Variants in EBF2 observed in about 807,000 individuals in gnomAD.
EBF2 encodes the protein transcription factor COE2.
EBF2 carries 21 observed loss-of-function variants against 72.8 expected under a neutral mutation model. The ratio of observed to expected loss-of-function variants is 0.29; its 90% CI spans 0.20 to 0.42. The LOEUF (loss-of-function observed/expected upper bound fraction) is 0.42. EBF2 is among the 10% of genes least tolerant of loss of function. The pLI, the probability that EBF2 is intolerant of heterozygous loss-of-function variation, is 1.00. For synonymous variants in EBF2, 299 were observed against 274.2 expected (o/e 1.09, Z -0.89); for missense variants, 637 against 731.2 (o/e 0.87, Z 1.49).
Position 25,898,815 on chromosome 8 carries a change from G to A in EBF2, c.634-8946C>T, listed in dbSNP as rs1185503408. Among the ~76,000 whole-genome samples, 3 of 152,128 alleles carry A rather than the reference G, an allele frequency of 2.0e-5. No individual in the cohort carries two copies. The East Asian group carries it at 5.8e-4, about 29-fold the overall frequency. On this transcript the variant is annotated intron_variant, in intron 7 of 15. Coordinates refer to ENST00000520164, the MANE Select transcript of EBF2 (RefSeq NM_022659.4). The stretch of plus-strand genomic sequence containing the variant: ...CACACAGGCCCTGGAAGCAGCTGAG[G>A]AACTATGCACTCTTATTGCAGGACT...
At chr8:25,977,757 A>G (rs1010033677) in intron 6 of EBF2, among the ~76,000 whole-genome samples, 1 of 152,176 alleles carries the variant, frequency 6.6e-6, no homozygotes, top group Admixed American at 6.5e-5. Context: ...ATTGGCTGAC[A>G]GTTTCTTCTA....
intron 5 of EBF2, among the ~76,000 whole-genome samples, chr8:26,036,637 C>T (rs910384838): frequency 1.3e-5 from 2 of 152,002 alleles, no homozygotes; most frequent in African/African-American, 2.4e-5. Context: ...AATATTAGCA[C>T]AAGCAATGGG....
intron 6 of EBF2, among the ~76,000 whole-genome samples, chr8:26,010,087 G>T (rs1379750803): frequency 1.3e-5 from 2 of 152,154 alleles, no homozygotes; most frequent in Non-Finnish European, 2.9e-5. Flanking sequence ...GGAAAGTCGG[G>T]GGGAACAGAA....
chr8:25,987,066 A>T (rs1348418051), intron 6 of EBF2, among the ~76,000 whole-genome samples: 1 of 152,138 alleles, frequency 6.6e-6, no homozygotes, highest in Non-Finnish European at 1.5e-5. Flanking sequence ...AAAACTGATA[A>T]TTTGCATCTT....
chr8:25,994,368 G>T (rs989223388), intron 6 of EBF2, among the ~76,000 whole-genome samples: 1 of 152,038 alleles, frequency 6.6e-6, no homozygotes, highest in African/African-American at 2.4e-5. Flanking sequence ...ACAGAAATAG[G>T]ACTTCCACTT....
intron 6 of EBF2, among the ~76,000 whole-genome samples, chr8:25,941,407 C>T (rs554573557): frequency 4.6e-5 from 7 of 152,144 alleles, no homozygotes; most frequent in African/African-American, 9.6e-5. Context: ...GGTTTTGCCA[C>T]GTTCGTCAGG....
At chr8:25,906,012 T>G (rs1803026122) in intron 7 of EBF2, among the ~76,000 whole-genome samples, 1 of 152,196 alleles carries the variant, frequency 6.6e-6, no homozygotes, top group Admixed American at 6.5e-5. Context: ...ATCAACAATA[T>G]TTATTCTATG....
Position 25,936,095 on chromosome 8 carries a change from A to C in EBF2, c.552-27540T>G, listed in dbSNP as rs541747310. Among the ~76,000 whole-genome samples the C allele has an allele frequency of 3.3e-5, 5 of 152,302 alleles. 1 individual carries two copies. In the South Asian group the frequency reaches 1.0e-3, roughly 32 times the overall value. On this transcript the variant is annotated intron_variant, in intron 6 of 15. Coordinates refer to ENST00000520164, the MANE Select transcript of EBF2 (RefSeq NM_022659.4). Reference sequence around the variant, plus strand: ...GTGTGGTTAGAGGCAGCAGAGGAGTAGAGAAGAGTATGCTATGAAATCATG... The same window carrying C: ...GTGTGGTTAGAGGCAGCAGAGGAGTCGAGAAGAGTATGCTATGAAATCATG...
At chr8:26,033,296 C>T (rs1459427478) in intron 5 of EBF2, 143 bp from the exon 6 acceptor site, 11 of 735,584 alleles carry the variant, frequency 1.5e-5, no homozygotes, top group African/African-American at 3.5e-5. Context: ...ATGCCTCCTT[C>T]TTGGCTCACC....
chr8:25,985,071 T>C (rs1804426827), intron 6 of EBF2, among the ~76,000 whole-genome samples: 1 of 152,126 alleles, frequency 6.6e-6, no homozygotes, highest in Admixed American at 6.6e-5. Flanking sequence ...TGAAAAGTGA[T>C]AAAACAGAAC....
chr8:25,998,903 G>A lies in EBF2; in HGVS notation c.551+34182C>T, dbSNP rs995822855. On this transcript the variant is annotated intron_variant, in intron 6 of 15. Coordinates refer to ENST00000520164, the MANE Select transcript of EBF2 (RefSeq NM_022659.4). ...TACAGGAAATACACTCGTCACCACC[G>A]TCTCTCTTTGAATAAACAAATTTCG... 1.6e-4 allele frequency among the ~76,000 whole-genome samples: 24 copies of A among 152,130 alleles called. 1 individual carries two copies. Among genetic ancestry groups the A allele is most frequent in the Admixed American group, 9.8e-4 (15 of 15,262 alleles).
At chr8:25,930,776 A>G (rs1803466059) in intron 6 of EBF2, among the ~76,000 whole-genome samples, 1 of 152,176 alleles carries the variant, frequency 6.6e-6, no homozygotes, top group Non-Finnish European at 1.5e-5. Context: ...TTTGAGGATG[A>G]AAGAGGCTTG....
intron 6 of EBF2, among the ~76,000 whole-genome samples, chr8:25,945,146 G>C (rs1803746626): frequency 1.6e-5 from 2 of 123,268 alleles, no homozygotes; most frequent in Non-Finnish European, 3.1e-5. Context: ...CTTGTGACCT[G>C]AGCTACAGTT....
intron 6 of EBF2, among the ~76,000 whole-genome samples, chr8:25,990,820 T>A (rs972312715): frequency 6.6e-6 from 1 of 152,240 alleles, no homozygotes; most frequent in Non-Finnish European, 1.5e-5. Context: ...TCAGCTCTTC[T>A]GTGTATTCTT....
chr8:25,993,445 T>C (rs1181527397), intron 6 of EBF2, among the ~76,000 whole-genome samples: 2 of 152,216 alleles, frequency 1.3e-5, no homozygotes, highest in Non-Finnish European at 2.9e-5. Flanking sequence ...ATAGCAACAC[T>C]GAAAATTACT....
At chr8:25,941,281 C>T (rs1221109354) in intron 6 of EBF2, among the ~76,000 whole-genome samples, 1 of 151,382 alleles carries the variant, frequency 6.6e-6, no homozygotes, top group Non-Finnish European at 1.5e-5. Flanking sequence ...TCTTGGTTCA[C>T]TGCAACCTCC....
rs150641473 is a variant in EBF2, at chr8:25,984,226, T to C, written c.551+48859A>G. On this transcript the variant is annotated intron_variant, in intron 6 of 15. Transcript: ENST00000520164. ...ACAACTCAGGCATTTCACAGAGCACTGTGAACCACTGTTTTACTGAAACAA... is the reference window on the plus strand; with the variant it reads ...ACAACTCAGGCATTTCACAGAGCACCGTGAACCACTGTTTTACTGAAACAA... 4.5e-3 allele frequency among the ~76,000 whole-genome samples: 692 copies of C among 152,282 alleles called. 4 individuals are homozygous for C. The highest frequency in any genetic ancestry group is 0.015 in the African/African-American group (627 of 41,558).
At chr8:25,897,178 T>A (rs1802874411) in intron 7 of EBF2, among the ~76,000 whole-genome samples, 1 of 151,976 alleles carries the variant, frequency 6.6e-6, no homozygotes, top group Non-Finnish European at 1.5e-5. Flanking sequence ...GGACTGGGCA[T>A]CAATGGCATT....
intron 6 of EBF2, among the ~76,000 whole-genome samples, chr8:25,916,725 G>A (rs1230339098): frequency 6.6e-6 from 1 of 152,106 alleles, no homozygotes; most frequent in Non-Finnish European, 1.5e-5. Flanking sequence ...AATGGTCGAT[G>A]GGAGTCCTCA....
Sources: gnomAD v4.1 joint callset for allele counts (sites outside exome capture counted in the v4.1 genomes callset) on GRCh38, gnomAD v4.1.1 for gene constraint, MANE v1.5 for transcripts, NCBI Gene and HGNC (gene_info 2026-07-23, HGNC 2026-07-21) for gene names.